DENND5B: variants seen among roughly 807,000 people sequenced by gnomAD.
DENND5B encodes the protein DENN domain-containing protein 5B.
A neutral mutation model predicts 140.6 loss-of-function variants in DENND5B; 34 were observed. The ratio of observed to expected loss-of-function variants is 0.24; its 90% CI spans 0.18 to 0.32. The LOEUF (loss-of-function observed/expected upper bound fraction) is 0.32. Among genes scored for constraint, DENND5B ranks in the 10% least tolerant of loss-of-function variants. The pLI is 1.00. For missense variants in DENND5B, 1,142 were observed against 1,560.2 expected, an observed-to-expected ratio of 0.73 and a Z score of 4.52; for synonymous variants, 551 against 562.1, an observed-to-expected ratio of 0.98 and a Z score of 0.28.
At chr12:31,549,174 A>G (rs1315587311) in intron 1 of DENND5B, among the ~76,000 whole-genome samples, 2 of 152,190 alleles carry the variant, frequency 1.3e-5, no homozygotes, top group African/African-American at 4.8e-5. Context: ...TGCTGGGATT[A>G]CAGGCATGAG....
chr12:31,397,705 C>T (rs767139811), intron 17 of DENND5B, among the ~76,000 whole-genome samples: 67 of 152,020 alleles, frequency 4.4e-4, no homozygotes, highest in Non-Finnish European at 8.1e-4. Context: ...GCAGGCAGAT[C>T]GCTTGAGCTC....
rs537046894 is a variant in DENND5B at position 31,474,037 on chromosome 12, T to G, written c.904+5552A>C. 1.5e-4 allele frequency among the ~76,000 whole-genome samples: 23 copies of G among 152,348 alleles called. 1 individual carries two copies. Among genetic ancestry groups the G allele is most frequent in the Admixed American group, 8.5e-4 (13 of 15,296 alleles). ...GAGAACTATGATGTCCACTTGAGCA[T>G]GCCTAGCAATTTGTGATGAGAAAGC... On this transcript the variant is annotated intron_variant, in intron 3 of 20. Coordinates refer to ENST00000389082, the MANE Select transcript of DENND5B (RefSeq NM_144973.4).
At position 31,384,756 on chromosome 12, in the gene DENND5B, G is replaced by C. The variant is rs708220; in HGVS notation, c.*2847C>G. On this transcript the variant is annotated 3_prime_UTR_variant, in exon 21 of 21. Coordinates refer to ENST00000389082, the MANE Select transcript of DENND5B (RefSeq NM_144973.4). ...TTCATAGGCCGCAAATCCAACTTTG[G>C]CTGCAGTTTTTTTCTTTTTTTTTTT... 141,051 of 152,096 alleles carry C rather than the reference G, an allele frequency of 0.93. 65,860 individuals carry two copies. Among genetic ancestry groups the C allele is most frequent in the East Asian group, 0.99 (5,151 of 5,186 alleles). 9.4% of individuals were successfully genotyped at this position (152,096 alleles called of 1,614,324 possible).
intron 10 of DENND5B, 31 bp downstream of exon 10, chr12:31,424,504 C>A (rs769645357): frequency 6.3e-7 from 1 of 1,587,514 alleles, no homozygotes; most frequent in Admixed American, 1.8e-5. Flanking sequence ...TCTTAACTGG[C>A]CATGTCACCA....
At chr12:31,388,534 C>A (rs1940963638) in intron 20 of DENND5B, among the ~76,000 whole-genome samples, 1 of 152,100 alleles carries the variant, frequency 6.6e-6, no homozygotes. Context: ...TAACCCATTG[C>A]TAAGTTCCTA....
chr12:31,474,926 A>C (rs1945724939), intron 3 of DENND5B, among the ~76,000 whole-genome samples: 1 of 152,248 alleles, frequency 6.6e-6, no homozygotes. Context: ...AGAATGAGTT[A>C]ATCATTTAAA....
In DENND5B at chr12:31,557,175, A is replaced by G. The variant is rs78892142; in HGVS notation, c.127+33531T>C. ...ATGATTAGTAAGACATTAAATACAA[A>G]TATTAAAATCAAACAATATATATTA... On this transcript the variant is annotated intron_variant, in intron 1 of 20. Coordinates refer to ENST00000389082, the MANE Select transcript of DENND5B (RefSeq NM_144973.4). 2.0e-3 allele frequency among the ~76,000 whole-genome samples: 308 copies of G among 152,268 alleles called. 3 individuals carry two copies. The East Asian group carries it at 0.037, about 18-fold the overall frequency.
chr12:31,484,451 G>C (rs73084411), intron 2 of DENND5B, among the ~76,000 whole-genome samples: 3,807 of 152,232 alleles, frequency 0.025, 58 homozygotes, highest in Non-Finnish European at 0.04. Context: ...AAGCAAATTG[G>C]AAAGGTGGAA....
chr12:31,396,017 C>T (rs1365676372), intron 17 of DENND5B, among the ~76,000 whole-genome samples: 1 of 146,530 alleles, frequency 6.8e-6, no homozygotes, highest in Non-Finnish European at 1.5e-5. Context: ...AAATCCCTTC[C>T]TTGCCTCTTT....
intron 1 of DENND5B, among the ~76,000 whole-genome samples, chr12:31,558,979 T>C (rs1197869966): frequency 1.3e-5 from 2 of 152,138 alleles, no homozygotes; most frequent in Non-Finnish European, 1.5e-5. Flanking sequence ...GAAAAACAGC[T>C]GAAAGAAAGA....
intron 3 of DENND5B, chr12:31,478,058 A>C (rs1005004882): frequency 7.1e-5 from 11 of 154,368 alleles, no homozygotes; most frequent in African/African-American, 2.6e-4. Flanking sequence ...TGTTTCACTA[A>C]AATATATTTT....
At chr12:31,500,177 G>T (rs774940614) in intron 1 of DENND5B, among the ~76,000 whole-genome samples, 1 of 151,952 alleles carries the variant, frequency 6.6e-6, no homozygotes, top group Non-Finnish European at 1.5e-5. Context: ...TTTAGATCTC[G>T]GATTTTTGGA....
chr12:31,484,172 C>T (rs543091989), intron 2 of DENND5B, among the ~76,000 whole-genome samples: 1 of 152,182 alleles, frequency 6.6e-6, no homozygotes, highest in Non-Finnish European at 1.5e-5. Context: ...TTTTCTTATT[C>T]AAGTTCAAAA....
intron 1 of DENND5B, among the ~76,000 whole-genome samples, chr12:31,571,248 C>T (rs934231909): frequency 2.0e-5 from 3 of 152,208 alleles, no homozygotes; most frequent in Non-Finnish European, 4.4e-5. Context: ...TTTCATTCTA[C>T]GTGACAACAC....
At chr12:31,405,846 A>C (rs1334769287) in intron 14 of DENND5B, among the ~76,000 whole-genome samples, 1 of 149,844 alleles carries the variant, frequency 6.7e-6, no homozygotes, top group East Asian at 2.0e-4. Flanking sequence ...GCACCTGGCC[A>C]CTATTTATTT....
chr12:31,463,661 T>A (rs1472123806), intron 3 of DENND5B, among the ~76,000 whole-genome samples: 2 of 152,144 alleles, frequency 1.3e-5, no homozygotes, highest in East Asian at 1.9e-4. Context: ...ACCACACACA[T>A]TATTAATTTT....
intron 5 of DENND5B, 101 bp from the exon 6 acceptor site, chr12:31,447,870 A>G: frequency 1.2e-6 from 1 of 847,790 alleles, no homozygotes; most frequent in South Asian, 2.0e-5. Context: ...CCTTTTTTAA[A>G]TCTTATAAAA....
chr12:31,489,163 C>T (rs975135275), intron 2 of DENND5B, among the ~76,000 whole-genome samples: 1 of 151,720 alleles, frequency 6.6e-6, no homozygotes, highest in African/African-American at 2.4e-5. Context: ...TACGTTATAC[C>T]ATATAACTTA....
At chr12:31,584,379 T>C (rs1950317342) in intron 1 of DENND5B, among the ~76,000 whole-genome samples, 1 of 152,238 alleles carries the variant, frequency 6.6e-6, no homozygotes, top group African/African-American at 2.4e-5. Context: ...AGAATTTAGC[T>C]TCACTCACTC....
Sources: allele counts gnomAD v4.1 joint callset (sites outside exome capture counted in the v4.1 genomes callset), GRCh38; gene constraint gnomAD v4.1.1; transcripts MANE v1.5; gene names NCBI Gene and HGNC (gene_info 2026-07-23, HGNC 2026-07-21).